COL13A1: variants seen among roughly 807,000 people sequenced by gnomAD.
The protein encoded by COL13A1 is collagen type XIII alpha 1 chain.
COL13A1 carries 89 observed loss-of-function variants against 130.9 expected under a neutral mutation model. The ratio of observed to expected loss-of-function variants is 0.68; its 90% CI spans 0.57 to 0.81. The LOEUF (loss-of-function observed/expected upper bound fraction) is 0.81, where lower values mean the gene tolerates loss of function less well. Among genes scored for constraint, COL13A1 ranks in the 30% least tolerant of loss-of-function variants. The pLI is 0.00. For synonymous variants in COL13A1, 402 were observed against 341.6 expected (o/e 1.18, Z -1.95); for missense variants, 879 against 934.6 (o/e 0.94, Z 0.78).
At position 69,923,867 on chromosome 10, in the gene COL13A1, C is replaced by T. The variant is rs1169324501; in HGVS notation, c.1284+12C>T. The T allele has an allele frequency of 1.2e-5, 20 of 1,610,722 alleles. No individual in the cohort carries two copies. In the African/African-American group the frequency reaches 1.7e-4, roughly 14 times the overall value. On this transcript the variant is annotated intron_variant, in intron 24 of 40. Transcript: ENST00000645393. ...AGCCAGGAGACAAGGTACAGAGACC[C>T]CCACATCCCAGAGCTGCAAGATGAG...
At chr10:69,898,488 G>A (rs1403679243) in intron 13 of COL13A1, among the ~76,000 whole-genome samples, 1 of 152,240 alleles carries the variant, frequency 6.6e-6, no homozygotes, top group Non-Finnish European at 1.5e-5. Context: ...CCATCCAAGG[G>A]CAAGCTCCGC....
chr10:69,897,957 C>T (rs922636594), intron 13 of COL13A1, among the ~76,000 whole-genome samples: 4 of 152,128 alleles, frequency 2.6e-5, no homozygotes, highest in Non-Finnish European at 4.4e-5. Flanking sequence ...AGTTGCCTCC[C>T]GCAAAAACGT....
chr10:69,834,451 G>A (rs1323319497), intron 2 of COL13A1, among the ~76,000 whole-genome samples: 1 of 152,208 alleles, frequency 6.6e-6, no homozygotes, highest in African/African-American at 2.4e-5. Context: ...AGGAGGGGTT[G>A]AGGCAATTAT....
chr10:69,860,614 A>T, intron 2 of COL13A1: 1 of 168,508 alleles, frequency 5.9e-6, no homozygotes, highest in South Asian at 9.4e-5. Flanking sequence ...GCCTGGCGCC[A>T]TCTTCTGTCG....
chr10:69,913,231 G>A lies in COL13A1; in HGVS notation c.922-4058G>A, dbSNP rs576483035. Among the ~76,000 whole-genome samples, 13 of 152,290 alleles carry A rather than the reference G, an allele frequency of 8.5e-5. No individual in the cohort carries two copies. In the East Asian group the frequency reaches 1.2e-3, roughly 14 times the overall value. ...CAGCTTCTGCCATCACACCATGCAC[G>A]TGGCCAAGACCTTTTGTAAGGCTCA... On this transcript the variant is annotated intron_variant, in intron 17 of 40. Transcript: ENST00000645393.
intron 36 of COL13A1, among the ~76,000 whole-genome samples, chr10:69,944,461 G>A (rs2068144846): frequency 6.6e-6 from 1 of 152,110 alleles, no homozygotes; most frequent in Non-Finnish European, 1.5e-5. Context: ...TCTGAGACCA[G>A]CCTGGACAAC....
chr10:69,921,946 C>T lies in COL13A1; in HGVS notation c.1143+11C>T, dbSNP rs1358944429. 1.2e-6 allele frequency: 2 copies of T among 1,600,126 alleles called. No individual in the cohort carries two copies. The highest frequency in any genetic ancestry group is 1.7e-6 in the Non-Finnish European group (2 of 1,173,574). On this transcript the variant is annotated intron_variant, in intron 22 of 40. Transcript: ENST00000645393. ...CTCCTGGGGCAGAAGGTAGGTGTTG[C>T]TCTGAATGGAGGGTTCAAGTCCTTC...
chr10:69,939,765 A>T lies in COL13A1; in HGVS notation c.1879-1223A>T, dbSNP rs144760481. Among the ~76,000 whole-genome samples, 824 of 152,280 alleles carry T rather than the reference A, an allele frequency of 5.4e-3. 10 individuals are homozygous for T. Among genetic ancestry groups the T allele is most frequent in the African/African-American group, 0.015 (618 of 41,538 alleles). On this transcript the variant is annotated intron_variant, in intron 34 of 40. Transcript: ENST00000645393. The stretch of plus-strand genomic sequence containing the variant: ...GACCCAGGCATCTGTTTTATTTAAC[A>T]TTGCCCCCAAGAGATTCTAATGTGC...
chr10:69,910,308 G>A (rs1207420014), intron 17 of COL13A1, among the ~76,000 whole-genome samples: 16 of 151,944 alleles, frequency 1.1e-4, no homozygotes. Flanking sequence ...AGCAGCTGGG[G>A]ATGCCAAGCT....
chr10:69,846,368 C>A (rs1477237592), intron 2 of COL13A1, among the ~76,000 whole-genome samples: 1 of 151,556 alleles, frequency 6.6e-6, no homozygotes, highest in African/African-American at 2.4e-5. Context: ...GGACATAACC[C>A]GAGCTGGGGT....
At chr10:69,932,179 A>G (rs2066208393) in intron 30 of COL13A1, among the ~76,000 whole-genome samples, 2 of 152,200 alleles carry the variant, frequency 1.3e-5, no homozygotes, top group South Asian at 4.1e-4. Flanking sequence ...TTGTGTGTTC[A>G]TGTAACATAT....
At chr10:69,876,610 C>G (rs561282860) in intron 5 of COL13A1, among the ~76,000 whole-genome samples, 2 of 152,154 alleles carry the variant, frequency 1.3e-5, no homozygotes, top group Non-Finnish European at 2.9e-5. Context: ...TCTCTAACTC[C>G]AGATCCTGAG....
In COL13A1 at chr10:69,905,530, G is replaced by C. The variant is rs373783573; in HGVS notation, c.886-257G>C. 7.9e-5 allele frequency among the ~76,000 whole-genome samples: 12 copies of C among 152,312 alleles called. No individual in the cohort carries two copies. In the South Asian group the frequency reaches 1.7e-3, roughly 21 times the overall value. On this transcript the variant is annotated intron_variant, in intron 16 of 40. Coordinates refer to ENST00000645393, the MANE Select transcript of COL13A1 (RefSeq NM_001368882.1). ...GAATCAGGTCTCCTGGGTCTCCTGG[G>C]TCTCTACCCAAGTGACTCTTCCCAC...
intron 2 of COL13A1, chr10:69,823,976 C>T (rs181091337): frequency 1.5e-4 from 62 of 414,794 alleles, no homozygotes; most frequent in African/African-American, 1.0e-3. Flanking sequence ...GTCTGTTGCC[C>T]TTATAACTCT....
At chr10:69,886,733 C>A (rs931066067) in intron 7 of COL13A1, among the ~76,000 whole-genome samples, 1 of 152,232 alleles carries the variant, frequency 6.6e-6, no homozygotes, top group Non-Finnish European at 1.5e-5. Flanking sequence ...CCTTGTGCTT[C>A]TTCTAATCTC....
At chr10:69,945,932 G>C (rs1398694780) in intron 37 of COL13A1, among the ~76,000 whole-genome samples, 2 of 152,082 alleles carry the variant, frequency 1.3e-5, no homozygotes, top group African/African-American at 4.8e-5. Context: ...TTAGCCACGT[G>C]TGGTGGTGCG....
At chr10:69,945,636 T>G (rs1188449224) in intron 36 of COL13A1, 35 bp from the exon 37 acceptor site, 1 of 1,606,102 alleles carries the variant, frequency 6.2e-7, no homozygotes, top group Non-Finnish European at 8.5e-7. Context: ...TTACCGTGTC[T>G]GGCAGGATTC....
chr10:69,818,995 C>T (rs1013598656), intron 1 of COL13A1, among the ~76,000 whole-genome samples: 11 of 152,264 alleles, frequency 7.2e-5, no homozygotes, highest in African/African-American at 2.4e-4. Flanking sequence ...CTGAAGTCTA[C>T]AGTCACCTGC....
chr10:69,849,810 C>T (rs920054185), intron 2 of COL13A1, among the ~76,000 whole-genome samples: 2 of 152,198 alleles, frequency 1.3e-5, no homozygotes, highest in African/African-American at 4.8e-5. Context: ...GCCTCCCCAC[C>T]CGGTGTGGCC....
Sources: allele counts gnomAD v4.1 joint callset (sites outside exome capture counted in the v4.1 genomes callset), GRCh38; gene constraint gnomAD v4.1.1; transcripts MANE v1.5; gene names NCBI Gene and HGNC (gene_info 2026-07-23, HGNC 2026-07-21).